The following SYNE1 variants were observed in gnomAD, a reference collection of about 807,000 sequenced individuals.
The protein encoded by SYNE1 is nesprin-1.
SYNE1 carries 616 observed loss-of-function variants against 1,111.0 expected under a neutral mutation model. The ratio of observed to expected loss-of-function variants is 0.55; its 90% CI spans 0.52 to 0.59. The LOEUF (loss-of-function observed/expected upper bound fraction) is 0.59. Ranked by LOEUF, SYNE1 falls within the 20% of genes least tolerant of loss-of-function variation. The pLI is 0.00. For synonymous variants in SYNE1, 3,855 were observed against 3,825.8 expected (o/e 1.01, Z -0.28); for missense variants, 10,006 against 10,417.0 (o/e 0.96, Z 1.72).
intron 62 of SYNE1, among the ~76,000 whole-genome samples, chr6:152,366,751 G>A (rs749903648): frequency 2.6e-5 from 4 of 152,098 alleles, no homozygotes; most frequent in South Asian, 2.1e-4. Flanking sequence ...ACAGAGTGCC[G>A]GTCTCCTAGA....
intron 141 of SYNE1, among the ~76,000 whole-genome samples, 163 bp downstream of exon 141, chr6:152,136,455 T>C (rs995850522): frequency 6.6e-6 from 1 of 152,232 alleles, no homozygotes; most frequent in Admixed American, 6.5e-5. Context: ...CATGTAGAAA[T>C]GCTCCAGTAA....
chr6:152,252,547 G>A (rs2089642681), intron 104 of SYNE1, among the ~76,000 whole-genome samples: 1 of 152,120 alleles, frequency 6.6e-6, no homozygotes, highest in Admixed American at 6.5e-5. Flanking sequence ...TTTTGGTATA[G>A]AATAATGTTA....
intron 56 of SYNE1, among the ~76,000 whole-genome samples, chr6:152,377,402 G>A (rs1255263056): frequency 6.6e-6 from 1 of 151,142 alleles, no homozygotes; most frequent in African/African-American, 2.4e-5. Flanking sequence ...CTGAGGTCAG[G>A]AGTTCGAGAC....
chr6:152,480,000 TAGCTTGTTCA>T (rs1165683121), intron 14 of SYNE1, among the ~76,000 whole-genome samples: 1 of 152,242 alleles, frequency 6.6e-6, no homozygotes, highest in Non-Finnish European at 1.5e-5. Flanking sequence ...GTAACTTTGA[TAGCTTGTTCA>T]AGTTTTCTTG....
At chr6:152,434,013 G>A in intron 33 of SYNE1, 68 bp from the exon 34 acceptor site, 3 of 1,362,594 alleles carry the variant, frequency 2.2e-6, no homozygotes, top group Non-Finnish European at 3.1e-6. Context: ...CATTTTCCTT[G>A]AAATCACCAG....
intron 35 of SYNE1, 67 bp from the exon 36 acceptor site, chr6:152,430,277 A>T (rs1222417601): frequency 7.2e-7 from 1 of 1,385,258 alleles, no homozygotes; most frequent in Non-Finnish European, 1.0e-6. Flanking sequence ...AAAAAAAGTT[A>T]CTGAGAAAAT....
intron 3 of SYNE1, among the ~76,000 whole-genome samples, chr6:152,614,535 G>T (rs558505779): frequency 6.6e-6 from 1 of 152,286 alleles, no homozygotes; most frequent in African/African-American, 2.4e-5. Context: ...ACTGTTGGTG[G>T]GAGTGTAAAT....
At chr6:152,395,693 A>G in intron 50 of SYNE1, 22 bp from the exon 51 acceptor site, 1 of 1,613,782 alleles carries the variant, frequency 6.2e-7, no homozygotes, top group Non-Finnish European at 8.5e-7. Context: ...AAAATGCCTT[A>G]GAGAAATTCT....
intron 78 of SYNE1, among the ~76,000 whole-genome samples, chr6:152,328,348 C>A (rs887139014): frequency 1.3e-5 from 2 of 151,414 alleles, no homozygotes. Flanking sequence ...AGGAAGTAAT[C>A]CTCTAGGCAC....
chr6:152,563,092 G>C (rs539441850), intron 3 of SYNE1, among the ~76,000 whole-genome samples: 1 of 151,376 alleles, frequency 6.6e-6, no homozygotes, highest in Non-Finnish European at 1.5e-5. Context: ...AGAAAGAGAC[G>C]GAGAAACACA....
intron 34 of SYNE1, 84 bp from the exon 35 acceptor site, chr6:152,430,793 A>G: frequency 7.8e-7 from 1 of 1,279,434 alleles, no homozygotes; most frequent in Non-Finnish European, 1.1e-6. Flanking sequence ...CAAAGAGGGA[A>G]TATTTTCTTA....
intron 144 of SYNE1, among the ~76,000 whole-genome samples, 193 bp downstream of exon 144, chr6:152,131,929 C>T (rs2055827182): frequency 6.6e-6 from 1 of 152,168 alleles, no homozygotes; most frequent in African/African-American, 2.4e-5. Context: ...CTTTTGAAAA[C>T]CAGAATCGCT....
chr6:152,177,233 T>C (rs2066685858), intron 129 of SYNE1, among the ~76,000 whole-genome samples: 1 of 152,152 alleles, frequency 6.6e-6, no homozygotes, highest in South Asian at 2.1e-4. Flanking sequence ...CTTAGATTGT[T>C]TGAGTTAAAG....
chr6:152,456,544 C>G (rs1593089510), intron 22 of SYNE1: 1 of 233,948 alleles, frequency 4.3e-6, no homozygotes, highest in Non-Finnish European at 8.6e-6. Context: ...GGTGTACAAC[C>G]TATCAGCCTT....
At chr6:152,425,093 G>T (rs1281528423) in intron 39 of SYNE1, among the ~76,000 whole-genome samples, 1 of 152,268 alleles carries the variant, frequency 6.6e-6, no homozygotes, top group East Asian at 1.9e-4. Context: ...TACAAAAACA[G>T]CTTAAGCAAT....
chr6:152,413,354 T>C lies in SYNE1; in HGVS notation c.6228A>G (p.Glu2076=). The change falls in exon 42 of 146, where the codon GAA becomes GAG. Residue 2076 remains glutamate, a splice_region_variant and synonymous_variant. Transcript: ENST00000367255. ...TWDDTKRLIH[E]NQGQCCGLID... ...GAACTGGGTGGGTTTTGACTTACTT[T>C]TCATGAATTAGTCTTTTGGTATCAT... The C allele has an allele frequency of 1.2e-6, 2 of 1,614,142 alleles. No homozygotes were observed. Among genetic ancestry groups the C allele is most frequent in the Non-Finnish European group, 8.5e-7 (1 of 1,180,016 alleles).
intron 80 of SYNE1, 79 bp downstream of exon 80, chr6:152,325,879 G>A: frequency 6.5e-7 from 1 of 1,547,420 alleles, no homozygotes; most frequent in Non-Finnish European, 8.9e-7. Flanking sequence ...AGGTAGAAAT[G>A]AAGATTTATT....
At chr6:152,131,729 C>A (rs2152700643) in intron 144 of SYNE1, among the ~76,000 whole-genome samples, 1 of 152,228 alleles carries the variant, frequency 6.6e-6, no homozygotes, top group South Asian at 2.1e-4. Context: ...CACAGGCGTT[C>A]ACGGTTCTGT....
intron 39 of SYNE1, 70 bp from the exon 40 acceptor site, chr6:152,419,792 G>A: frequency 6.4e-7 from 1 of 1,561,064 alleles, no homozygotes; most frequent in Non-Finnish European, 8.8e-7. Flanking sequence ...TGTATTTTGG[G>A]AATTAAGCTT....
Sources: gnomAD v4.1 joint callset for allele counts (sites outside exome capture counted in the v4.1 genomes callset) on GRCh38, gnomAD v4.1.1 for gene constraint, MANE v1.5 for transcripts, NCBI Gene and HGNC (gene_info 2026-07-23, HGNC 2026-07-21) for gene names.